Variants in GPHN observed in about 807,000 individuals in gnomAD.
GPHN encodes gephyrin.
GPHN carries 17 observed loss-of-function variants against 95.5 expected under a neutral mutation model. The ratio of observed to expected loss-of-function variants is 0.18; its 90% CI spans 0.12 to 0.27. The LOEUF (loss-of-function observed/expected upper bound fraction) is 0.27. Ranked by LOEUF, GPHN falls within the 10% of genes least tolerant of loss-of-function variation. The pLI, the probability that GPHN is intolerant of heterozygous loss-of-function variation, is 1.00. For synonymous variants in GPHN, 320 were observed against 322.5 expected, an observed-to-expected ratio of 0.99 and a Z score of 0.08; for missense variants, 660 against 978.1, an observed-to-expected ratio of 0.67 and a Z score of 4.34.
chr14:67,076,918 A>G (rs189981087), intron 11 of GPHN, among the ~76,000 whole-genome samples: 1 of 152,182 alleles, frequency 6.6e-6, no homozygotes, highest in Non-Finnish European at 1.5e-5. Context: ...TTCCTGGACC[A>G]CTGAACTTAG....
chr14:67,114,840 T>G (rs1180630432), intron 16 of GPHN, among the ~76,000 whole-genome samples: 1 of 152,224 alleles, frequency 6.6e-6, no homozygotes, highest in Non-Finnish European at 1.5e-5. Context: ...TTGTTAGTGT[T>G]TTGTTTAAGC....
chr14:67,129,626 C>G (rs961759862), intron 17 of GPHN, among the ~76,000 whole-genome samples: 14 of 152,064 alleles, frequency 9.2e-5, no homozygotes, highest in Admixed American at 4.6e-4. Context: ...CCTTAGCCTA[C>G]CTACATTTTG....
At chr14:66,965,628 G>A (rs896041985) in intron 9 of GPHN, among the ~76,000 whole-genome samples, 2 of 152,094 alleles carry the variant, frequency 1.3e-5, no homozygotes, top group African/African-American at 4.8e-5. Context: ...CATTATAGAT[G>A]TAAAGTTATT....
chr14:66,839,056 A>C (rs1357735596), intron 4 of GPHN, among the ~76,000 whole-genome samples: 5 of 152,202 alleles, frequency 3.3e-5, no homozygotes, highest in African/African-American at 1.2e-4. Flanking sequence ...TATGAAGGAC[A>C]AATGTCCACT....
the GPHN span, chr14:67,412,201 G>C: frequency 8.2e-6 from 5 of 606,920 alleles, no homozygotes; most frequent in Non-Finnish European, 1.3e-5. Flanking sequence ...TCCCTGGCGC[G>C]TGTCCAGAGC....
intron 8 of GPHN, among the ~76,000 whole-genome samples, chr14:66,934,810 T>C (rs2067019572): frequency 6.6e-6 from 1 of 152,226 alleles, no homozygotes; most frequent in South Asian, 2.1e-4. Flanking sequence ...TACAGACTGC[T>C]TGACTTTTTG....
chr14:67,302,933 T>C, the GPHN span, among the ~76,000 whole-genome samples: 2 of 152,336 alleles, frequency 1.3e-5, no homozygotes, highest in East Asian at 3.9e-4. Context: ...TATTTTATTA[T>C]CTGTAATTGA....
chr14:67,469,788 C>T, the GPHN span, among the ~76,000 whole-genome samples: 2 of 152,056 alleles, frequency 1.3e-5, no homozygotes. Flanking sequence ...GCTGTTTTTT[C>T]GAAGCATGAC....
At chr14:67,353,479 T>TTTG in the GPHN span, among the ~76,000 whole-genome samples, 1,589 of 151,712 alleles carry the variant, frequency 0.01, 30 homozygotes, top group East Asian at 0.071. Context: ...CAAGACTCCT[T>TTTG]TTGTTGTTGT....
chr14:67,210,735 G>A, the GPHN span, among the ~76,000 whole-genome samples: 1 of 151,756 alleles, frequency 6.6e-6, no homozygotes, highest in African/African-American at 2.4e-5. Flanking sequence ...CTTTGCCACA[G>A]GTCATGATGG....
chr14:66,764,867 ACTTTTTT>A, intron 2 of GPHN, among the ~76,000 whole-genome samples: 1 of 152,220 alleles, frequency 6.6e-6, no homozygotes, highest in Middle Eastern at 3.4e-3. Flanking sequence ...CTTTTTAAAA[ACTTTTTT>A]CTTTTGCCCT....
chr14:67,722,592 G>T, the GPHN span: 1 of 1,517,736 alleles, frequency 6.6e-7, no homozygotes, highest in Non-Finnish European at 9.2e-7. Flanking sequence ...CAGAGCTGGG[G>T]TTGAAGCTGG....
intron 1 of GPHN, among the ~76,000 whole-genome samples, chr14:66,632,399 A>G (rs2063855804): frequency 6.6e-6 from 1 of 151,452 alleles, no homozygotes; most frequent in African/African-American, 2.4e-5. Flanking sequence ...TAGCTGAAAT[A>G]TTGATCCAGG....
intron 1 of GPHN, among the ~76,000 whole-genome samples, chr14:66,607,708 T>C (rs1164912568): frequency 3.9e-5 from 6 of 152,002 alleles, no homozygotes; most frequent in Non-Finnish European, 1.5e-5. Context: ...AGGTTTTCAC[T>C]TTCTTCCTGG....
chr14:67,420,429 T>C, the GPHN span, among the ~76,000 whole-genome samples: 1 of 152,216 alleles, frequency 6.6e-6, no homozygotes, highest in Non-Finnish European at 1.5e-5. Flanking sequence ...ACTGCAGACT[T>C]CCTGAGGTTA....
intron 10 of GPHN, among the ~76,000 whole-genome samples, chr14:67,051,805 T>G (rs900404935): frequency 6.6e-6 from 1 of 152,196 alleles, no homozygotes; most frequent in South Asian, 2.1e-4. Context: ...GGGCCAATAT[T>G]CAGTATCCTT....
Position 66,780,494 on chromosome 14 carries a change from A to G in GPHN, c.201+3973A>G, listed in dbSNP as rs34654604. Among the ~76,000 whole-genome samples, 414 of 152,158 alleles carry G rather than the reference A, an allele frequency of 2.7e-3. 2 individuals are homozygous for G. Among genetic ancestry groups the G allele is most frequent in the African/African-American group, 9.3e-3 (387 of 41,542 alleles). On this transcript the variant is annotated intron_variant, in intron 3 of 22. Coordinates refer to ENST00000478722, the MANE Select transcript of GPHN (RefSeq NM_020806.5). ...TAGCAGGACTTTTGCCTGTTTTTAA[A>G]TAGTGATTTTTTTCCTAAAGGAATC...
At chr14:67,168,082 G>A (rs1213335489) in intron 20 of GPHN, among the ~76,000 whole-genome samples, 1 of 152,206 alleles carries the variant, frequency 6.6e-6, no homozygotes, top group African/African-American at 2.4e-5. Context: ...CTGGGTAGCT[G>A]AAACAACAGA....
At chr14:67,662,784 A>G in the GPHN span, among the ~76,000 whole-genome samples, 1 of 151,746 alleles carries the variant, frequency 6.6e-6, no homozygotes. Flanking sequence ...GGCACCTGTA[A>G]TCTCAGCTAC....
Sources: gnomAD v4.1 joint callset for allele counts (sites outside exome capture counted in the v4.1 genomes callset) on GRCh38, gnomAD v4.1.1 for gene constraint, MANE v1.5 for transcripts, NCBI Gene and HGNC (gene_info 2026-07-23, HGNC 2026-07-21) for gene names.